The following LRRC37A2 variants were observed in gnomAD, a reference collection of about 807,000 sequenced individuals.
LRRC37A2 encodes leucine rich repeat containing 37 member A2, also known as leucine-rich repeat-containing protein 37A2.
In LRRC37A2, 9 loss-of-function variants were observed where a neutral mutation model predicts 68.8. The observed-to-expected ratio is 0.13, with a 90% confidence interval of 0.08 to 0.23. The LOEUF (loss-of-function observed/expected upper bound fraction) is 0.23, where lower values mean the gene tolerates loss of function less well. LRRC37A2 is among the 10% of genes least tolerant of loss of function. LRRC37A2 has a pLI of 1.00. For synonymous variants in LRRC37A2, 63 were observed against 367.6 expected (o/e 0.17, Z 9.48); for missense variants, 168 against 950.4 (o/e 0.18, Z 10.82).
the LRRC37A2 span, chr17:46,876,307 G>A: frequency 3.1e-6 from 5 of 1,614,082 alleles, no homozygotes; most frequent in African/African-American, 6.7e-5. Flanking sequence ...CCTGTGCCGT[G>A]CGCACCTGCT....
the LRRC37A2 span, among the ~76,000 whole-genome samples, chr17:46,873,159 G>C: frequency 6.6e-6 from 1 of 151,668 alleles, no homozygotes; most frequent in Non-Finnish European, 1.5e-5. Context: ...AAGACGTGAG[G>C]ATGGGCGGCA....
chr17:46,822,868 G>T, the LRRC37A2 span, among the ~76,000 whole-genome samples: 1 of 151,860 alleles, frequency 6.6e-6, no homozygotes, highest in East Asian at 1.9e-4. Context: ...GCGGCAGGCG[G>T]ATGTCACCAG....
the LRRC37A2 span, chr17:46,932,196 T>TA: frequency 6.2e-7 from 1 of 1,613,950 alleles, no homozygotes; most frequent in South Asian, 1.1e-5. Flanking sequence ...CCTTCACCAC[T>TA]AACGTAAGCC....
the LRRC37A2 span, among the ~76,000 whole-genome samples, chr17:46,861,061 A>C: frequency 6.6e-6 from 1 of 152,088 alleles, no homozygotes; most frequent in African/African-American, 2.4e-5. Context: ...TTGGGGGGAA[A>C]CTGTCAGAAT....
At chr17:46,760,653 A>G in the LRRC37A2 span, among the ~76,000 whole-genome samples, 2 of 146,418 alleles carry the variant, frequency 1.4e-5, no homozygotes, top group African/African-American at 5.4e-5. Context: ...AAAAAAAAGA[A>G]AAAAAAAGGA....
the LRRC37A2 span, chr17:46,941,051 C>A: frequency 1.8e-6 from 2 of 1,085,452 alleles, no homozygotes. Context: ...GCAAGAAACT[C>A]CGGTAGCCAG....
the LRRC37A2 span, among the ~76,000 whole-genome samples, chr17:46,740,300 C>T: frequency 2.0e-5 from 3 of 152,062 alleles, no homozygotes; most frequent in African/African-American, 7.2e-5. Context: ...TAAATGAGGG[C>T]AGGGTATGGT....
chr17:46,823,147 T>A, the LRRC37A2 span, among the ~76,000 whole-genome samples: 31 of 129,712 alleles, frequency 2.4e-4, no homozygotes, highest in African/African-American at 9.3e-4. Context: ...TTATATTATA[T>A]ATATTTATAT....
At chr17:46,473,634 G>A in the LRRC37A2 span, among the ~76,000 whole-genome samples, 1 of 49,712 alleles carries the variant, frequency 2.0e-5, no homozygotes, top group East Asian at 3.3e-4. Context: ...GGTGGCTCAC[G>A]CCTGTAATCC....
the LRRC37A2 span, among the ~76,000 whole-genome samples, chr17:46,610,126 TTC>T: frequency 5.0e-3 from 548 of 109,762 alleles, 16 homozygotes; most frequent in African/African-American, 0.019. Flanking sequence ...TCTCTCTCTC[TTC>T]CTTTCTTCCT....
the LRRC37A2 span, among the ~76,000 whole-genome samples, chr17:46,721,109 C>T: frequency 2.7e-4 from 41 of 152,290 alleles, 1 homozygote; most frequent in Admixed American, 2.3e-3. Flanking sequence ...GGCAGAGCCC[C>T]GCTTCTCCTG....
the LRRC37A2 span, among the ~76,000 whole-genome samples, chr17:46,947,079 G>A: frequency 6.6e-6 from 1 of 152,272 alleles, no homozygotes; most frequent in African/African-American, 2.4e-5. Context: ...TGTGGAAAGA[G>A]TAGGGACGTA....
At chr17:47,024,611 G>A in the LRRC37A2 span, 2 of 1,039,310 alleles carry the variant, frequency 1.9e-6, no homozygotes, top group East Asian at 4.7e-5. Context: ...CCACATGCAG[G>A]AGACAGTCCT....
chr17:46,793,410 T>A, the LRRC37A2 span, among the ~76,000 whole-genome samples: 2 of 151,836 alleles, frequency 1.3e-5, no homozygotes, highest in Non-Finnish European at 2.9e-5. Context: ...CGGCCGCTGT[T>A]GGGGTTAACA....
At chr17:46,817,542 C>T in the LRRC37A2 span, among the ~76,000 whole-genome samples, 1 of 152,154 alleles carries the variant, frequency 6.6e-6, no homozygotes, top group Non-Finnish European at 1.5e-5. Flanking sequence ...GGGAGAGCGG[C>T]GATGGGGCCG....
chr17:47,023,839 C>T, the LRRC37A2 span, among the ~76,000 whole-genome samples: 5 of 152,278 alleles, frequency 3.3e-5, no homozygotes, highest in African/African-American at 1.2e-4. Context: ...GGGTGATTCA[C>T]ACACCTTGGC....
intron 8 of LRRC37A2, among the ~76,000 whole-genome samples, chr17:46,542,526 G>GATAT (rs879872588): frequency 7.1e-4 from 103 of 145,816 alleles, no homozygotes; most frequent in African/African-American, 2.1e-3. Context: ...TATATATATA[G>GATAT]ATATAGATAT....
chr17:46,986,626 C>T, the LRRC37A2 span, among the ~76,000 whole-genome samples: 5 of 152,322 alleles, frequency 3.3e-5, no homozygotes, highest in East Asian at 3.9e-4. Flanking sequence ...CTCCTAATGA[C>T]GGAGCTTGGG....
chr17:46,933,452 C>T, the LRRC37A2 span: 1 of 152,314 alleles, frequency 6.6e-6, no homozygotes, highest in African/African-American at 2.4e-5. Context: ...TCTTCTGACA[C>T]ACTGGGCATT....
Sources: gnomAD v4.1 joint callset for allele counts (sites outside exome capture counted in the v4.1 genomes callset) on GRCh38, gnomAD v4.1.1 for gene constraint, MANE v1.5 for transcripts, NCBI Gene and HGNC (gene_info 2026-07-23, HGNC 2026-07-21) for gene names.